The following FBXW10B variants were observed in gnomAD, a reference collection of about 807,000 sequenced individuals.
FBXW10B encodes F-box and WD repeat domain containing protein 10B.
chr17:15,586,334 T>C, the FBXW10B span, among the ~76,000 whole-genome samples: 1 of 151,572 alleles, frequency 6.6e-6, no homozygotes, highest in Non-Finnish European at 1.5e-5. Context: ...TTGTAAAGCA[T>C]CAATGATTTC....
At chr17:15,585,189 A>G in the FBXW10B span, among the ~76,000 whole-genome samples, 1 of 152,038 alleles carries the variant, frequency 6.6e-6, no homozygotes, top group Non-Finnish European at 1.5e-5. Context: ...CTGGGTATAT[A>G]GGAGATGTAA....
the FBXW10B span, among the ~76,000 whole-genome samples, chr17:15,612,278 C>T: frequency 2.6e-5 from 4 of 151,922 alleles, no homozygotes; most frequent in Non-Finnish European, 5.9e-5. Context: ...GAGGCCGAGG[C>T]GGGCGGATCA....
the FBXW10B span, among the ~76,000 whole-genome samples, chr17:15,592,303 T>C: frequency 1.1e-3 from 169 of 150,720 alleles, 1 homozygote; most frequent in African/African-American, 4.0e-3. Flanking sequence ...GAGTTTTTTT[T>C]TTTTTTTTTT....
At chr17:15,603,699 C>G in the FBXW10B span, among the ~76,000 whole-genome samples, 1 of 149,422 alleles carries the variant, frequency 6.7e-6, no homozygotes, top group South Asian at 2.2e-4. Flanking sequence ...AAGAATATAC[C>G]TTTAAAAAAC....
chr17:15,586,951 T>A, the FBXW10B span, among the ~76,000 whole-genome samples: 1 of 151,450 alleles, frequency 6.6e-6, no homozygotes, highest in South Asian at 2.1e-4. Flanking sequence ...TTTGTCACTG[T>A]TGTATAAGAG....
At chr17:15,596,177 C>T in the FBXW10B span, among the ~76,000 whole-genome samples, 8 of 151,950 alleles carry the variant, frequency 5.3e-5, no homozygotes, top group Non-Finnish European at 8.8e-5. Flanking sequence ...TGAGCCACTG[C>T]GCCTGGCCCT....
chr17:15,573,748 T>G, the FBXW10B span: 1 of 170,590 alleles, frequency 5.9e-6, no homozygotes, highest in African/African-American at 2.4e-5. Flanking sequence ...GAAAGTGACC[T>G]TGAATATATG....
chr17:15,576,637 G>A, the FBXW10B span, among the ~76,000 whole-genome samples: 1 of 152,214 alleles, frequency 6.6e-6, no homozygotes, highest in Non-Finnish European at 1.5e-5. Context: ...GACGCTGACA[G>A]GGAAATAATA....
the FBXW10B span, chr17:15,598,456 T>G: frequency 6.2e-7 from 1 of 1,610,596 alleles, no homozygotes; most frequent in Non-Finnish European, 8.5e-7. Flanking sequence ...CCTATAGAAA[T>G]GAGCAAAACA....
At chr17:15,616,529 G>A in the FBXW10B span, among the ~76,000 whole-genome samples, 1 of 152,038 alleles carries the variant, frequency 6.6e-6, no homozygotes, top group Non-Finnish European at 1.5e-5. Flanking sequence ...TGTTGGTCCG[G>A]CGTGATGGCT....
At chr17:15,614,683 A>G in the FBXW10B span, among the ~76,000 whole-genome samples, 3 of 152,334 alleles carry the variant, frequency 2.0e-5, no homozygotes, top group Admixed American at 6.5e-5. Context: ...TAAAGTGTTG[A>G]TAATTGTTGA....
At chr17:15,604,127 A>G in the FBXW10B span, among the ~76,000 whole-genome samples, 2 of 151,284 alleles carry the variant, frequency 1.3e-5, no homozygotes, top group Non-Finnish European at 2.9e-5. Context: ...CCACCAACAG[A>G]AAAACAAATA....
chr17:15,581,493 G>A, the FBXW10B span, among the ~76,000 whole-genome samples: 524 of 152,126 alleles, frequency 3.4e-3, 3 homozygotes, highest in African/African-American at 0.012. Flanking sequence ...GATAGTGCAG[G>A]TAAGTCAGAA....
chr17:15,615,145 C>T, the FBXW10B span, among the ~76,000 whole-genome samples: 1 of 151,314 alleles, frequency 6.6e-6, no homozygotes, highest in Non-Finnish European at 1.5e-5. Context: ...ATCCTTGCTC[C>T]TCCCCTTACC....
chr17:15,566,910 A>G, the FBXW10B span, among the ~76,000 whole-genome samples: 2 of 151,872 alleles, frequency 1.3e-5, no homozygotes, highest in African/African-American at 4.8e-5. Context: ...TAAAGAGTAT[A>G]TTAGCCTCTA....
the FBXW10B span, among the ~76,000 whole-genome samples, chr17:15,590,680 C>G: frequency 6.7e-6 from 1 of 150,144 alleles, no homozygotes; most frequent in African/African-American, 2.5e-5. Context: ...GTCCTCTTCC[C>G]TCTTATTTCC....
the FBXW10B span, among the ~76,000 whole-genome samples, chr17:15,590,864 C>G: frequency 2.6e-5 from 4 of 152,348 alleles, no homozygotes; most frequent in East Asian, 7.7e-4. Context: ...CACCCCCATC[C>G]CTGGCAGGAG....
At chr17:15,584,627 T>A in the FBXW10B span, among the ~76,000 whole-genome samples, 128,179 of 152,174 alleles carry the variant, frequency 0.84, 54,177 homozygotes, top group Middle Eastern at 0.92. Context: ...CCACTGATTG[T>A]GGGCTCCTCG....
chr17:15,619,403 T>C, the FBXW10B span: 1 of 1,613,916 alleles, frequency 6.2e-7, no homozygotes, highest in Non-Finnish European at 8.5e-7. Flanking sequence ...AGAGAAGATC[T>C]TCCAGGCTAA....
Sources: gnomAD v4.1 joint callset for allele counts (sites outside exome capture counted in the v4.1 genomes callset) on GRCh38, gnomAD v4.1.1 for gene constraint, MANE v1.5 for transcripts, NCBI Gene and HGNC (gene_info 2026-07-23, HGNC 2026-07-21) for gene names.